The following CDK14 variants were observed in gnomAD, a reference collection of about 807,000 sequenced individuals.
CDK14 encodes the protein cyclin dependent kinase 14.
In CDK14, 34 loss-of-function variants were observed where a neutral mutation model predicts 60.7. That is an observed-to-expected ratio of 0.56 (90% confidence interval 0.43 to 0.75). CDK14 has a LOEUF of 0.75. Ranked by LOEUF, CDK14 falls within the 30% of genes least tolerant of loss-of-function variation. The pLI is 0.00. For missense variants in CDK14, 482 were observed against 564.1 expected (o/e 0.85, Z 1.47); for synonymous variants, 197 against 203.7 (o/e 0.97, Z 0.28).
chr7:90,692,610 A>G, intron 2 of CDK14: 2 of 799,716 alleles, frequency 2.5e-6, no homozygotes, highest in Non-Finnish European at 3.0e-6. Flanking sequence ...AGAAGAATGC[A>G]TGAGGGCTCT....
chr7:91,132,303 A>G (rs1466850450), intron 14 of CDK14, among the ~76,000 whole-genome samples: 1 of 152,188 alleles, frequency 6.6e-6, no homozygotes, highest in Admixed American at 6.5e-5. Context: ...GTTTTCAAAA[A>G]GAGGAAACAA....
chr7:90,869,419 T>C (rs1183680855), intron 6 of CDK14, among the ~76,000 whole-genome samples: 6 of 152,078 alleles, frequency 3.9e-5, no homozygotes, highest in South Asian at 2.1e-4. Context: ...AGGATGACAA[T>C]AGGAAGAGAC....
At chr7:91,114,879 G>T (rs1018579458) in intron 13 of CDK14, among the ~76,000 whole-genome samples, 6 of 152,168 alleles carry the variant, frequency 3.9e-5, no homozygotes, top group Non-Finnish European at 8.8e-5. Flanking sequence ...CCAGACTTTG[G>T]AGACTTAGGG....
chr7:91,190,265 C>G (rs1393119320), intron 14 of CDK14, among the ~76,000 whole-genome samples: 2 of 152,076 alleles, frequency 1.3e-5, no homozygotes, highest in African/African-American at 4.8e-5. Context: ...AGGAAATGAA[C>G]CAAGATAAAT....
intron 5 of CDK14, among the ~76,000 whole-genome samples, chr7:90,862,496 A>G (rs991154540): frequency 6.6e-6 from 1 of 152,182 alleles, no homozygotes; most frequent in African/African-American, 2.4e-5. Flanking sequence ...AACAACTTTT[A>G]TAATACAAAA....
chr7:90,614,953 G>C (rs1224264179), intron 2 of CDK14, among the ~76,000 whole-genome samples: 1 of 152,072 alleles, frequency 6.6e-6, no homozygotes, highest in African/African-American at 2.4e-5. Flanking sequence ...GAAAAAGCCA[G>C]GTATTAGCAA....
At chr7:90,740,147 T>G (rs1339649672) in intron 3 of CDK14, among the ~76,000 whole-genome samples, 1 of 151,306 alleles carries the variant, frequency 6.6e-6, no homozygotes, top group Admixed American at 6.6e-5. Flanking sequence ...AAAAAAAACT[T>G]ACACCCTCTC....
Position 91,149,373 on chromosome 7 carries a change from A to G in CDK14, c.*28+31165A>G, listed in dbSNP as rs145609181. ...ACTTTCCTTCTCTTCCCTTTGTGCC[A>G]CCTTACTTGAGTACCCCATCCTCCC... On this transcript the variant is annotated intron_variant, in intron 14 of 14. Transcript: ENST00000380050. 6.6e-5 allele frequency among the ~76,000 whole-genome samples: 10 copies of G among 151,830 alleles called. No individual in the cohort carries two copies. In the East Asian group the frequency reaches 1.9e-3, roughly 29 times the overall value.
At chr7:90,713,015 C>T (rs929574742) in intron 2 of CDK14, among the ~76,000 whole-genome samples, 6 of 152,086 alleles carry the variant, frequency 3.9e-5, no homozygotes, top group African/African-American at 1.2e-4. Flanking sequence ...TACTCCCCAC[C>T]CCTGTTTTCA....
At chr7:91,023,858 C>T (rs959377742) in intron 10 of CDK14, among the ~76,000 whole-genome samples, 2 of 152,096 alleles carry the variant, frequency 1.3e-5, no homozygotes, top group Non-Finnish European at 2.9e-5. Flanking sequence ...CGGCAACCTC[C>T]GCCTCCTGGG....
chr7:90,669,394 G>A (rs2116527680), intron 2 of CDK14, among the ~76,000 whole-genome samples: 1 of 152,248 alleles, frequency 6.6e-6, no homozygotes, highest in South Asian at 2.1e-4. Context: ...CAAGGAGTGG[G>A]CAAATTGCAG....
intron 5 of CDK14, among the ~76,000 whole-genome samples, chr7:90,811,765 T>G (rs1157140348): frequency 2.0e-5 from 3 of 151,658 alleles, no homozygotes; most frequent in African/African-American, 7.3e-5. Context: ...TCAAACAAAT[T>G]TACAAGAAAA....
At chr7:91,053,586 G>A (rs557826084) in intron 11 of CDK14, among the ~76,000 whole-genome samples, 87 of 152,216 alleles carry the variant, frequency 5.7e-4, no homozygotes, top group African/African-American at 2.1e-3. Context: ...TAAATCATCA[G>A]CTCCAAAATC....
chr7:91,183,794 C>G (rs1375670058), intron 14 of CDK14, among the ~76,000 whole-genome samples: 1 of 152,216 alleles, frequency 6.6e-6, no homozygotes, highest in Non-Finnish European at 1.5e-5. Context: ...CTCAGTTTCT[C>G]TATTCACACC....
chr7:90,802,721 A>T (rs920150142), intron 5 of CDK14, among the ~76,000 whole-genome samples: 3 of 152,234 alleles, frequency 2.0e-5, no homozygotes, highest in African/African-American at 7.2e-5. Context: ...AAATATGAAC[A>T]TGAGGCCATA....
At chr7:90,917,756 G>A (rs1793124317) in intron 8 of CDK14, 32 bp downstream of exon 8, 5 of 1,608,050 alleles carry the variant, frequency 3.1e-6, no homozygotes, top group Non-Finnish European at 4.3e-6. Context: ...AGTCTATTTT[G>A]TCATACTGTG....
chr7:90,875,598 T>C (rs1343394216), intron 6 of CDK14, among the ~76,000 whole-genome samples: 2 of 152,220 alleles, frequency 1.3e-5, no homozygotes, highest in Non-Finnish European at 1.5e-5. Context: ...TCCTGACTTA[T>C]GATGTTGAAC....
intron 2 of CDK14, among the ~76,000 whole-genome samples, chr7:90,670,324 A>G (rs886967703): frequency 6.6e-6 from 1 of 152,232 alleles, no homozygotes; most frequent in Non-Finnish European, 1.5e-5. Flanking sequence ...AAGGTATTGT[A>G]GCCTAGATAG....
At chr7:90,915,510 A>C (rs966818260) in intron 7 of CDK14, among the ~76,000 whole-genome samples, 10 of 152,188 alleles carry the variant, frequency 6.6e-5, no homozygotes, top group Non-Finnish European at 1.3e-4. Flanking sequence ...TGCACCCCCC[A>C]AAAAATAATG....
Sources: allele counts gnomAD v4.1 joint callset (sites outside exome capture counted in the v4.1 genomes callset), GRCh38; gene constraint gnomAD v4.1.1; transcripts MANE v1.5; gene names NCBI Gene and HGNC (gene_info 2026-07-23, HGNC 2026-07-21).